Variants in RINT1 observed in about 807,000 individuals in gnomAD.
RINT1 encodes RAD50 interactor 1, also known as RAD50-interacting protein 1.
A neutral mutation model predicts 97.7 loss-of-function variants in RINT1; 75 were observed. That is an observed-to-expected ratio of 0.77 (90% CI 0.64 to 0.93). RINT1 has a LOEUF of 0.93. Ranked by LOEUF, RINT1 falls within the 40% of genes least tolerant of loss-of-function variation. The probability of loss-of-function intolerance (pLI) is 0.00; values close to 1 mark genes in which losing one functional copy is unlikely to be tolerated. For missense variants in RINT1, 892 were observed against 925.2 expected, an observed-to-expected ratio of 0.96 and a Z score of 0.47; for synonymous variants, 303 against 326.3, an observed-to-expected ratio of 0.93 and a Z score of 0.77.
chr7:105,544,107 A>C (rs987908025), intron 4 of RINT1, among the ~76,000 whole-genome samples: 1 of 151,900 alleles, frequency 6.6e-6, no homozygotes, highest in Non-Finnish European at 1.5e-5. Flanking sequence ...TCTCAAAAAA[A>C]AAACAAAAAA....
rs918965615 is a variant in RINT1 at position 105,567,531 on chromosome 7, A to G, written c.*220A>G. 4.4e-6 allele frequency: 3 copies of G among 684,692 alleles called. No individual in the cohort carries two copies. Among genetic ancestry groups the G allele is most frequent in the Middle Eastern group, 3.8e-4 (1 of 2,662 alleles). 42.4% of individuals were successfully genotyped at this position (684,692 alleles called of 1,614,324 possible). ...CAGAAAACGAAACAATGAAAACTCA[A>G]TTCTATTTACAAGTATAAATGCTGA... On this transcript the variant is annotated 3_prime_UTR_variant, in exon 15 of 15. Transcript: ENST00000257700.
In RINT1 at chr7:105,551,575, C is replaced by T. The variant is rs1562851056; in HGVS notation, c.1339C>T (p.Leu447Phe). The T allele has an allele frequency of 1.3e-6, 2 of 1,596,256 alleles. No homozygotes were observed. The highest frequency in any genetic ancestry group is 2.3e-5 in the East Asian group (1 of 44,368). The change falls in exon 10 of 15, where the codon CTT (leucine) becomes TTT (phenylalanine). Residue 447 changes from leucine to phenylalanine, a missense_variant. Transcript: ENST00000257700. ...TTGTTTTGTCTGCTTATCAGTTGCT[C>T]TTCAAAAAATGGACTCAATGCTTTC... is the stretch of plus-strand genomic sequence containing the variant. ...RWLTVERKFA[L>F]QKMDSMLSSE...
At chr7:105,547,410 T>C in intron 6 of RINT1, 77 bp downstream of exon 6, 1 of 1,465,148 alleles carries the variant, frequency 6.8e-7, no homozygotes, top group Admixed American at 1.9e-5. Flanking sequence ...GTAAAACTTT[T>C]TCAAAGTGGC....
chr7:105,551,508 G>A, intron 9 of RINT1, 62 bp from the exon 10 acceptor site: 1 of 1,392,484 alleles, frequency 7.2e-7, no homozygotes, highest in Non-Finnish European at 9.6e-7. Flanking sequence ...AAAATTACAA[G>A]TTGAATAATT....
Position 105,567,311 on chromosome 7 carries a change from A to C in RINT1, c.2379A>C (p.Ter793TyrextTer13). ...LRTNWPNTGK[*>Y] is the part of the protein sequence containing the mutation. ...CAAATTGGCCTAATACTGGAAAATAATGTCTTTCAGAAAAAGGTTTCTTTG... is the reference window on the plus strand; with the variant it reads ...CAAATTGGCCTAATACTGGAAAATACTGTCTTTCAGAAAAAGGTTTCTTTG... Residue 793 changes from the stop codon to tyrosine (Y), a stop_lost, in exon 15 of 15, where the codon TAA (stop) becomes TAC (tyrosine). Coordinates refer to ENST00000257700, the MANE Select transcript of RINT1 (RefSeq NM_021930.6). 1 of 1,577,694 alleles carries C rather than the reference A, an allele frequency of 6.3e-7. No individual in the cohort carries two copies. Among genetic ancestry groups the C allele is most frequent in the Non-Finnish European group, 8.6e-7 (1 of 1,161,160 alleles).
Position 105,563,836 on chromosome 7 carries a change from T to C in RINT1, c.1775T>C (p.Phe592Ser), listed in dbSNP as rs1163167863. The change falls in exon 12 of 15, where the codon TTT (phenylalanine) becomes TCT (serine). Residue 592 changes from phenylalanine (F) to serine (S), a missense_variant. Phe to Ser is a radical substitution (Grantham distance 155, BLOSUM62 -2). Transcript: ENST00000257700. Reference sequence around the variant, plus strand: ...CTAGCCTCTATGGAGAGCTCTGTCTTTGATGACATGATTAACCTCTTAGAA... The same window carrying C: ...CTAGCCTCTATGGAGAGCTCTGTCTCTGATGACATGATTAACCTCTTAGAA... ...GQLASMESSV[F>S]DDMINLLERL... The C allele has an allele frequency of 6.2e-7, 1 of 1,614,152 alleles. No homozygotes were observed.
intron 6 of RINT1, among the ~76,000 whole-genome samples, 198 bp from the exon 7 acceptor site, chr7:105,548,356 C>T (rs1790768913): frequency 1.3e-5 from 2 of 152,074 alleles, no homozygotes; most frequent in South Asian, 4.1e-4. Context: ...TGCATTTTAA[C>T]TGAATGTATA....
chr7:105,551,713 T>C lies in RINT1; in HGVS notation c.1471+6T>C, dbSNP rs2133408247. 1 of 1,586,236 alleles carries C rather than the reference T, an allele frequency of 6.3e-7. No homozygotes were observed. The highest frequency in any genetic ancestry group is 2.3e-5 in the East Asian group (1 of 44,326). On this transcript the variant is annotated splice_donor_region_variant and intron_variant, in intron 10 of 14. Coordinates refer to ENST00000257700, the MANE Select transcript of RINT1 (RefSeq NM_021930.6). ...TCTACTCTTGGTTATAACTGGTAAG[T>C]ATGTCTTTTAAGATATGACTTTGTT...
At position 105,567,571 on chromosome 7, in the gene RINT1, G is replaced by T; in HGVS notation, c.*260G>T. ...ATAAATGCTGAGTATGTCTGTTGAA[G>T]ACGAGCAGAGATATTAAATTATAAC... On this transcript the variant is annotated 3_prime_UTR_variant, in exon 15 of 15. Transcript: ENST00000257700. 1.6e-6 allele frequency: 1 copy of T among 609,990 alleles called. No individual in the cohort carries two copies. Among genetic ancestry groups the T allele is most frequent in the East Asian group, 2.8e-5 (1 of 36,116 alleles). 37.8% of individuals were successfully genotyped at this position (609,990 alleles called of 1,614,324 possible). A position where few individuals can be genotyped will look rare whatever the true frequency, so the allele number is the denominator to read the frequency against.
At position 105,567,170 on chromosome 7, in the gene RINT1, G is replaced by A. The variant is rs1312610839; in HGVS notation, c.2238G>A (p.Leu746=). Residue 746 remains leucine, a synonymous_variant, in exon 15 of 15, where the codon CTG becomes CTA. Transcript: ENST00000257700. ...ATTTGAACGTCGGTTCTGCACTACT[G>A]CTGAAAGATGTACTGCAGTCAGCTT... ...VLNLNVGSAL[L]LKDVLQSASG... is the part of the protein sequence containing the mutation. The A allele has an allele frequency of 1.2e-6, 2 of 1,606,186 alleles. No individual in the cohort carries two copies. Among genetic ancestry groups the A allele is most frequent in the Non-Finnish European group, 1.7e-6 (2 of 1,177,954 alleles).
In RINT1 at chr7:105,532,211, G is replaced by T; in HGVS notation, c.-105G>T. The T allele has an allele frequency of 1.5e-6, 2 of 1,308,960 alleles. No homozygotes were observed. The highest frequency in any genetic ancestry group is 2.7e-5 in the South Asian group (2 of 75,010). The allele number at this position is 1,308,960 out of a possible 1,614,324, so 81.1% of individuals were successfully genotyped here. A position where few individuals can be genotyped will look rare whatever the true frequency, so the allele number is the denominator to read the frequency against. On this transcript the variant is annotated 5_prime_UTR_variant, in exon 1 of 15. Transcript: ENST00000257700. ...CGAGAGGAAGTCGCTGTGGCACTCA[G>T]TCCTACGGCCTCCGAGGCTGGGTAG...
In RINT1 at chr7:105,551,706, T is replaced by G; in HGVS notation, c.1470T>G (p.Thr490=). Residue 490 remains threonine, a splice_region_variant and synonymous_variant, in exon 10 of 15, where the codon ACT becomes ACG. Coordinates refer to ENST00000257700, the MANE Select transcript of RINT1 (RefSeq NM_021930.6). ...ETFMTLLLVI[T]DRYKNLPTAS... is the part of the protein sequence containing the mutation. ...TTATGACTCTACTCTTGGTTATAAC[T>G]GGTAAGTATGTCTTTTAAGATATGA... is the stretch of plus-strand genomic sequence containing the variant. 6.3e-7 allele frequency: 1 copy of G among 1,588,642 alleles called. No individual in the cohort carries two copies. The highest frequency in any genetic ancestry group is 1.2e-5 in the South Asian group (1 of 86,224).
chr7:105,551,686 ACT>A lies in RINT1; in HGVS notation c.1453_1454del (p.Leu485ThrfsTer6), dbSNP rs1394824076. 1 of 1,607,134 alleles carries A rather than the reference ACT, an allele frequency of 6.2e-7. No homozygotes were observed. On this transcript the variant is annotated frameshift_variant, in exon 10 of 15. Transcript: ENST00000257700. LOFTEE classifies it high-confidence loss of function. ...TCCAGATTGTGCAGAAACTTTTATGACTCTACTCTTGGTTATAACTGGTAAGT... is the reference window on the plus strand; with the variant it reads ...TCCAGATTGTGCAGAAACTTTTATGACTACTCTTGGTTATAACTGGTAAGT... Reference protein sequence around the residue: ...KVPDCAETFMTLLLVITDRYK... With the variant: ...KVPDCAETFMXLLLVITDRYK...
chr7:105,563,219 A>G (rs1038680390), intron 11 of RINT1, among the ~76,000 whole-genome samples: 1 of 152,226 alleles, frequency 6.6e-6, no homozygotes, highest in Non-Finnish European at 1.5e-5. Flanking sequence ...ATCCATTGAG[A>G]CAGAAAGTCA....
At chr7:105,539,072 A>G (rs1790356327) in intron 3 of RINT1, among the ~76,000 whole-genome samples, 1 of 152,204 alleles carries the variant, frequency 6.6e-6, no homozygotes, top group Non-Finnish European at 1.5e-5. Flanking sequence ...TTTGTCATTC[A>G]TCTTTTACCC....
rs1336330362 is a variant in RINT1 at position 105,555,025 on chromosome 7, C to G, written c.1472-3C>G. On this transcript the variant is annotated splice_polypyrimidine_tract_variant and splice_region_variant and intron_variant, in intron 10 of 14. Transcript: ENST00000257700. ...TCATATGTCTTAATAACTTTTTCCA[C>G]AGACAGGTATAAAAATCTTCCCACA... is the stretch of plus-strand genomic sequence containing the variant. The G allele has an allele frequency of 6.2e-7, 1 of 1,611,908 alleles. No homozygotes were observed. The highest frequency in any genetic ancestry group is 1.7e-5 in the Admixed American group (1 of 59,456).
chr7:105,564,963 C>CA (rs886697027), intron 12 of RINT1, among the ~76,000 whole-genome samples: 17 of 148,286 alleles, frequency 1.1e-4, no homozygotes, highest in African/African-American at 2.5e-4. Context: ...GACTCTGTCT[C>CA]AAAAAAAAAG....
chr7:105,538,534 G>C (rs1449732426), intron 3 of RINT1, among the ~76,000 whole-genome samples: 3 of 152,180 alleles, frequency 2.0e-5, no homozygotes, highest in Non-Finnish European at 4.4e-5. Flanking sequence ...TGAGTAGATT[G>C]ATGCCAATCT....
chr7:105,547,718 C>CTT (rs34938925), intron 6 of RINT1, among the ~76,000 whole-genome samples: 14,505 of 116,038 alleles, frequency 0.13, 1,274 homozygotes, highest in South Asian at 0.18. Context: ...CATTTTTGTG[C>CTT]TTTTTTTTTT....
Sources: gnomAD v4.1 joint callset for allele counts (sites outside exome capture counted in the v4.1 genomes callset) on GRCh38, gnomAD v4.1.1 for gene constraint, MANE v1.5 for transcripts, NCBI Gene and HGNC (gene_info 2026-07-23, HGNC 2026-07-21) for gene names.